EGF: variants seen among roughly 807,000 people sequenced by gnomAD.
EGF encodes pro-epidermal growth factor.
Under a neutral mutation model 143.8 loss-of-function variants are expected in EGF, and 95 were observed. That is an observed-to-expected ratio of 0.66 (90% confidence interval 0.56 to 0.78). The LOEUF is 0.78. EGF is among the 30% of genes least tolerant of loss of function. The probability of loss-of-function intolerance (pLI) is 0.00; values close to 1 mark genes in which losing one functional copy is unlikely to be tolerated. For missense variants in EGF, 1,320 were observed against 1,470.9 expected (o/e 0.90, Z 1.68); for synonymous variants, 510 against 510.5 (o/e 1.00, Z 0.01).
At chr4:109,963,429 A>T in intron 9 of EGF, 131 bp downstream of exon 9, 1 of 1,129,366 alleles carries the variant, frequency 8.9e-7, no homozygotes, top group South Asian at 1.3e-5. Context: ...ATCACATTGT[A>T]AATATGAATA....
intron 1 of EGF, among the ~76,000 whole-genome samples, chr4:109,931,601 C>A (rs1468013667): frequency 6.6e-6 from 1 of 152,130 alleles, no homozygotes; most frequent in Admixed American, 6.6e-5. Flanking sequence ...TTAATTAGAT[C>A]CATGTTTTCC....
chr4:109,971,646 T>C (rs1747677263), intron 11 of EGF, among the ~76,000 whole-genome samples: 1 of 152,194 alleles, frequency 6.6e-6, no homozygotes, highest in Non-Finnish European at 1.5e-5. Context: ...AACAAGCCCT[T>C]CTTAAGTCCT....
At chr4:109,974,541 T>C (rs781269267) in intron 11 of EGF, among the ~76,000 whole-genome samples, 162 bp from the exon 12 acceptor site, 3 of 152,102 alleles carry the variant, frequency 2.0e-5, no homozygotes, top group Admixed American at 6.6e-5. Flanking sequence ...ACTTTGTTTG[T>C]GGGTGGGGGA....
At chr4:109,970,687 G>GT (rs1230956683) in intron 11 of EGF, among the ~76,000 whole-genome samples, 10 of 151,966 alleles carry the variant, frequency 6.6e-5, no homozygotes, top group South Asian at 4.2e-4. Context: ...TTAGCCGGGC[G>GT]GGTGGTGGGC....
chr4:109,992,502 T>G (rs1266081025), intron 18 of EGF: 2 of 152,226 alleles, frequency 1.3e-5, no homozygotes, highest in Non-Finnish European at 2.9e-5. Flanking sequence ...TTGGTGGGAC[T>G]GTAAACTAGT....
At chr4:109,966,364 T>A (rs898618608) in intron 10 of EGF, among the ~76,000 whole-genome samples, 1 of 152,158 alleles carries the variant, frequency 6.6e-6, no homozygotes, top group African/African-American at 2.4e-5. Context: ...TCCATGTTGC[T>A]GCTCACAATG....
At chr4:109,963,102 C>A in intron 8 of EGF, 71 bp from the exon 9 acceptor site, 1 of 1,571,468 alleles carries the variant, frequency 6.4e-7, no homozygotes, top group Non-Finnish European at 8.8e-7. Context: ...GTTGACTCGC[C>A]CCCATCCTTT....
At chr4:109,915,996 C>T (rs1409478202) in intron 1 of EGF, among the ~76,000 whole-genome samples, 1 of 152,136 alleles carries the variant, frequency 6.6e-6, no homozygotes. Context: ...GGTTTCTGAA[C>T]CTTCAAGTCT....
intron 11 of EGF, 58 bp downstream of exon 11, chr4:109,969,177 A>G (rs1408976875): frequency 1.9e-6 from 3 of 1,608,042 alleles, no homozygotes; most frequent in Non-Finnish European, 2.6e-6. Context: ...GATAGGTAAT[A>G]CTATTGGCTT....
intron 20 of EGF, among the ~76,000 whole-genome samples, chr4:109,996,170 T>C (rs1306436745): frequency 6.6e-6 from 1 of 152,212 alleles, no homozygotes; most frequent in Non-Finnish European, 1.5e-5. Flanking sequence ...ATAAAAATCA[T>C]TATAATAATA....
chr4:109,985,558 A>C (rs1423911252), intron 16 of EGF, among the ~76,000 whole-genome samples: 1 of 152,082 alleles, frequency 6.6e-6, no homozygotes, highest in African/African-American at 2.4e-5. Flanking sequence ...CATGTGTGCT[A>C]GTTGTTTTTT....
intron 13 of EGF, 61 bp downstream of exon 13, chr4:109,976,296 A>G: frequency 7.1e-7 from 1 of 1,405,764 alleles, no homozygotes; most frequent in Non-Finnish European, 9.9e-7. Context: ...TGTTAAATAC[A>G]AAATATGTTT....
At chr4:109,959,182 G>C (rs1745277583) in intron 5 of EGF, 130 bp from the exon 6 acceptor site, 1 of 1,448,174 alleles carries the variant, frequency 6.9e-7, no homozygotes, top group Non-Finnish European at 9.4e-7. Context: ...CTCTGGCTAA[G>C]TTTGCCTCCG....
intron 1 of EGF, among the ~76,000 whole-genome samples, chr4:109,933,594 C>T (rs1226175808): frequency 2.0e-5 from 3 of 152,086 alleles, no homozygotes; most frequent in Non-Finnish European, 4.4e-5. Context: ...CCCAACAGGC[C>T]CCGGTGTGTG....
In EGF at chr4:109,922,182, G is replaced by T. The variant is rs189063402; in HGVS notation, c.127+8720G>T. ...AGATTCAAGCAACATTGTTTAGAAT[G>T]GTCAATGCTCTAAGTGGATCAAAAG... is the stretch of plus-strand genomic sequence containing the variant. On this transcript the variant is annotated intron_variant, in intron 1 of 23. Transcript: ENST00000265171. 2.3e-3 allele frequency among the ~76,000 whole-genome samples: 345 copies of T among 151,724 alleles called. 16 individuals are homozygous for T. The highest frequency in any genetic ancestry group is 8.1e-3 in the African/African-American group (332 of 41,022).
intron 1 of EGF, among the ~76,000 whole-genome samples, chr4:109,921,306 A>G (rs1737745818): frequency 6.7e-6 from 1 of 149,376 alleles, no homozygotes; most frequent in South Asian, 2.1e-4. Context: ...TACTCTCATC[A>G]CCTGTTGACC....
At chr4:109,992,759 A>G (rs1355433710) in intron 18 of EGF, among the ~76,000 whole-genome samples, 2 of 152,108 alleles carry the variant, frequency 1.3e-5, no homozygotes, top group Non-Finnish European at 1.5e-5. Flanking sequence ...ATGGAATACT[A>G]TGCAACCATA....
At chr4:109,948,593 C>T (rs184437680) in intron 5 of EGF, among the ~76,000 whole-genome samples, 251 of 152,190 alleles carry the variant, frequency 1.6e-3, no homozygotes, top group African/African-American at 5.8e-3. Context: ...AAGCAATCCT[C>T]CTGCCTCAGC....
At chr4:109,989,701 CT>C (rs528860179) in intron 18 of EGF, among the ~76,000 whole-genome samples, 5 of 152,302 alleles carry the variant, frequency 3.3e-5, no homozygotes, top group Admixed American at 3.3e-4. Context: ...TTTAGACAAG[CT>C]GATTTCATAT....
Sources: gnomAD v4.1 joint callset for allele counts (sites outside exome capture counted in the v4.1 genomes callset) on GRCh38, gnomAD v4.1.1 for gene constraint, MANE v1.5 for transcripts, NCBI Gene and HGNC (gene_info 2026-07-23, HGNC 2026-07-21) for gene names.